Variants in NR3C2 observed in about 807,000 individuals in gnomAD.
NR3C2 encodes mineralocorticoid receptor.
In NR3C2, 15 loss-of-function variants were observed where a neutral mutation model predicts 86.4. The ratio of observed to expected loss-of-function variants is 0.17; its 90% CI spans 0.12 to 0.27. The LOEUF is 0.27. Ranked by LOEUF, NR3C2 falls within the 10% of genes least tolerant of loss-of-function variation. NR3C2 has a pLI of 1.00. For missense variants in NR3C2, 960 were observed against 1,195.6 expected (o/e 0.80, Z 2.91); for synonymous variants, 458 against 450.5 (o/e 1.02, Z -0.21).
At chr4:148,269,644 C>T (rs1362853576) in intron 2 of NR3C2, among the ~76,000 whole-genome samples, 1 of 151,844 alleles carries the variant, frequency 6.6e-6, no homozygotes, top group Non-Finnish European at 1.5e-5. Flanking sequence ...CAACAAAAAA[C>T]CCCCCCAAAA....
At chr4:148,088,990 A>G (rs1730942950) in intron 8 of NR3C2, among the ~76,000 whole-genome samples, 1 of 152,212 alleles carries the variant, frequency 6.6e-6, no homozygotes, top group African/African-American at 2.4e-5. Context: ...CAAGTGTATT[A>G]CAGCTGGCAA....
intron 6 of NR3C2, among the ~76,000 whole-genome samples, chr4:148,129,796 A>C (rs1165729737): frequency 6.6e-6 from 1 of 152,124 alleles, no homozygotes; most frequent in Non-Finnish European, 1.5e-5. Context: ...GGGTTTCCCC[A>C]TGTTGGCCAG....
intron 3 of NR3C2, among the ~76,000 whole-genome samples, chr4:148,198,190 T>C (rs1736530299): frequency 6.6e-6 from 1 of 152,092 alleles, no homozygotes; most frequent in Admixed American, 6.5e-5. Context: ...AGTTTAAAAA[T>C]AAATCAAAGG....
At chr4:148,342,785 G>A (rs1297124404) in intron 2 of NR3C2, among the ~76,000 whole-genome samples, 2 of 151,454 alleles carry the variant, frequency 1.3e-5, no homozygotes, top group East Asian at 3.9e-4. Context: ...TTTTATAACA[G>A]TAACAGTAAG....
chr4:148,232,433 T>C (rs1236055973), intron 3 of NR3C2, among the ~76,000 whole-genome samples: 1 of 152,220 alleles, frequency 6.6e-6, no homozygotes, highest in Non-Finnish European at 1.5e-5. Context: ...AAATATCTTT[T>C]TGTCTGAGCA....
upstream of NR3C2, chr4:148,444,889 C>G: frequency 1.0e-6 from 1 of 985,038 alleles, no homozygotes; most frequent in East Asian, 1.1e-4. Context: ...ATCCCGCGCC[C>G]GCCGCTCCGC....
chr4:148,287,116 A>T (rs552132244), intron 2 of NR3C2, among the ~76,000 whole-genome samples: 1 of 152,364 alleles, frequency 6.6e-6, no homozygotes, highest in East Asian at 1.9e-4. Context: ...GCTTTCTACC[A>T]TGTAACAGAA....
chr4:148,242,143 C>T (rs1739084562), intron 3 of NR3C2, among the ~76,000 whole-genome samples: 2 of 152,068 alleles, frequency 1.3e-5, no homozygotes. Flanking sequence ...GGTTGCATAA[C>T]AATGTGAATG....
intron 5 of NR3C2, 91 bp downstream of exon 5, chr4:148,154,460 A>T (rs1734253403): frequency 8.4e-7 from 1 of 1,184,478 alleles, no homozygotes; most frequent in Non-Finnish European, 1.3e-6. Context: ...CATAGAACGC[A>T]AACTCCTCCT....
At chr4:148,305,741 G>A (rs925924675) in intron 2 of NR3C2, among the ~76,000 whole-genome samples, 1 of 152,166 alleles carries the variant, frequency 6.6e-6, no homozygotes, top group Non-Finnish European at 1.5e-5. Flanking sequence ...ACTTGCAGGC[G>A]TTAACTTGGT....
intron 2 of NR3C2, among the ~76,000 whole-genome samples, chr4:148,381,130 A>AG (rs1330986940): frequency 6.6e-6 from 1 of 152,014 alleles, no homozygotes; most frequent in African/African-American, 2.4e-5. Context: ...CAGGAGGCTG[A>AG]GGCAGGAGGA....
chr4:148,368,001 C>T (rs182983598), intron 2 of NR3C2, among the ~76,000 whole-genome samples: 8 of 152,184 alleles, frequency 5.3e-5, no homozygotes, highest in East Asian at 1.9e-4. Flanking sequence ...TACCCAGGTG[C>T]ACAAAACTCG....
At chr4:148,209,251 A>C (rs6535592) in intron 3 of NR3C2, among the ~76,000 whole-genome samples, 1 of 150,690 alleles carries the variant, frequency 6.6e-6, no homozygotes, top group African/African-American at 2.4e-5. Context: ...CTCAAAAAAA[A>C]AAAAAAAAAA....
At chr4:148,155,131 C>T (rs556193105) in intron 4 of NR3C2, among the ~76,000 whole-genome samples, 1 of 152,284 alleles carries the variant, frequency 6.6e-6, no homozygotes, top group Admixed American at 6.5e-5. Context: ...GTCTTCACTG[C>T]CTGTCTCCTA....
chr4:148,386,773 A>C (rs1025388948), intron 2 of NR3C2, among the ~76,000 whole-genome samples: 1 of 152,204 alleles, frequency 6.6e-6, no homozygotes, highest in Non-Finnish European at 1.5e-5. Context: ...GGACCACAGA[A>C]TGTTAACTTC....
At chr4:148,132,487 G>A (rs938165937) in intron 6 of NR3C2, among the ~76,000 whole-genome samples, 3 of 152,176 alleles carry the variant, frequency 2.0e-5, no homozygotes, top group African/African-American at 7.2e-5. Context: ...TTGGTACAGG[G>A]AAATCCATGA....
chr4:148,083,494 C>T (rs184254205), intron 8 of NR3C2, among the ~76,000 whole-genome samples: 2 of 152,278 alleles, frequency 1.3e-5, no homozygotes, highest in East Asian at 1.9e-4. Flanking sequence ...GCATCAACAT[C>T]AACAAAAAGG....
At chr4:148,401,488 G>C (rs1748161098) in intron 2 of NR3C2, among the ~76,000 whole-genome samples, 1 of 120,862 alleles carries the variant, frequency 8.3e-6, no homozygotes, top group South Asian at 2.8e-4. Flanking sequence ...TTTTGAGACA[G>C]AGTCTTGCTC....
intron 4 of NR3C2, among the ~76,000 whole-genome samples, chr4:148,183,860 A>G (rs1450606119): frequency 6.6e-6 from 1 of 152,238 alleles, no homozygotes; most frequent in Non-Finnish European, 1.5e-5. Flanking sequence ...ATAGTTCAAC[A>G]GAAAATAATA....
Sources: gnomAD v4.1 joint callset for allele counts (sites outside exome capture counted in the v4.1 genomes callset) on GRCh38, gnomAD v4.1.1 for gene constraint, MANE v1.5 for transcripts, NCBI Gene and HGNC (gene_info 2026-07-23, HGNC 2026-07-21) for gene names.